The following UNC13C variants were observed in gnomAD, a reference collection of about 807,000 sequenced individuals.
UNC13C encodes the protein protein unc-13 homolog C.
Under a neutral mutation model 245.4 loss-of-function variants are expected in UNC13C, and 174 were observed. That is an observed-to-expected ratio of 0.71 (90% CI 0.63 to 0.80). The LOEUF (loss-of-function observed/expected upper bound fraction) is 0.80, where lower values mean the gene tolerates loss of function less well. Among genes scored for constraint, UNC13C ranks in the 30% least tolerant of loss-of-function variants. The pLI, the probability that UNC13C is intolerant of heterozygous loss-of-function variation, is 0.00. For missense variants in UNC13C, 2,829 were observed against 2,602.9 expected, an observed-to-expected ratio of 1.09 and a Z score of -1.89; for synonymous variants, 992 against 895.1, an observed-to-expected ratio of 1.11 and a Z score of -1.93.
At chr15:54,307,728 C>T (rs1596189208) in intron 13 of UNC13C, among the ~76,000 whole-genome samples, 1 of 151,866 alleles carries the variant, frequency 6.6e-6, no homozygotes, top group African/African-American at 2.4e-5. Flanking sequence ...AAAATCTGTG[C>T]CTTTTATTTA....
intron 30 of UNC13C, among the ~76,000 whole-genome samples, chr15:54,597,435 G>C (rs1051139490): frequency 6.6e-6 from 1 of 152,158 alleles, no homozygotes; most frequent in Non-Finnish European, 1.5e-5. Flanking sequence ...CAAAGTTTCT[G>C]TGCATGTAAG....
chr15:54,557,952 G>A (rs62022755), intron 29 of UNC13C, among the ~76,000 whole-genome samples: 9,258 of 151,934 alleles, frequency 0.061, 393 homozygotes, highest in Admixed American at 0.13. Flanking sequence ...GTCCTTTGTA[G>A]GGACATGGAT....
At chr15:54,100,219 C>G (rs1900094834) in intron 2 of UNC13C, among the ~76,000 whole-genome samples, 1 of 151,600 alleles carries the variant, frequency 6.6e-6, no homozygotes, top group African/African-American at 2.4e-5. Context: ...GTCTCTACTT[C>G]TTCACTTCTT....
At chr15:54,416,405 G>T (rs771040682) in intron 19 of UNC13C, among the ~76,000 whole-genome samples, 54 of 151,980 alleles carry the variant, frequency 3.6e-4, no homozygotes, top group Non-Finnish European at 5.7e-4. Context: ...ATAAAGTCAG[G>T]CTCTCCCACT....
chr15:53,878,103 A>C, the UNC13C span, among the ~76,000 whole-genome samples: 1 of 152,194 alleles, frequency 6.6e-6, no homozygotes, highest in Non-Finnish European at 1.5e-5. Flanking sequence ...TTTTTAAAAA[A>C]ATGGTTTGTC....
At chr15:54,131,688 T>C (rs1263100407) in intron 2 of UNC13C, among the ~76,000 whole-genome samples, 1 of 152,212 alleles carries the variant, frequency 6.6e-6, no homozygotes. Flanking sequence ...TCCTTGGTTC[T>C]AGTCATGCAC....
intron 4 of UNC13C, among the ~76,000 whole-genome samples, chr15:54,160,800 G>T (rs932302823): frequency 6.6e-6 from 1 of 151,990 alleles, no homozygotes; most frequent in Non-Finnish European, 1.5e-5. Context: ...TTACATGTTG[G>T]TCATTAGTAA....
At chr15:54,036,949 G>A (rs546332876) in intron 2 of UNC13C, among the ~76,000 whole-genome samples, 14 of 152,344 alleles carry the variant, frequency 9.2e-5, no homozygotes, top group African/African-American at 3.1e-4. Flanking sequence ...CTTAAGTCAC[G>A]AGAAGCAGGC....
chr15:54,394,075 C>T (rs533582640), intron 18 of UNC13C, among the ~76,000 whole-genome samples: 19 of 151,998 alleles, frequency 1.3e-4, no homozygotes, highest in Middle Eastern at 3.4e-3. Flanking sequence ...CTCAGACTTA[C>T]TATGGATAAA....
At chr15:54,475,823 A>G (rs1472731265) in intron 19 of UNC13C, among the ~76,000 whole-genome samples, 5 of 111,366 alleles carry the variant, frequency 4.5e-5, no homozygotes, top group African/African-American at 1.7e-4. Flanking sequence ...GTATATACCC[A>G]GTAATGGGAT....
chr15:54,446,242 A>G (rs1214716440), intron 19 of UNC13C, among the ~76,000 whole-genome samples: 2 of 152,050 alleles, frequency 1.3e-5, no homozygotes. Context: ...CTCCAGCTTT[A>G]TTCTTTTTAC....
intron 4 of UNC13C, among the ~76,000 whole-genome samples, chr15:54,210,919 C>T (rs1032705543): frequency 1.3e-5 from 2 of 152,040 alleles, no homozygotes; most frequent in East Asian, 3.9e-4. Context: ...CACGGGGAGA[C>T]ATTATATTTA....
At chr15:54,330,858 T>C (rs1511787) in intron 14 of UNC13C, among the ~76,000 whole-genome samples, 39,748 of 151,934 alleles carry the variant, frequency 0.26, 5,894 homozygotes, top group Admixed American at 0.35. Context: ...CCTAAGAAGA[T>C]TGCATGCTTC....
At chr15:54,412,093 C>T (rs374524114) in intron 18 of UNC13C, among the ~76,000 whole-genome samples, 1 of 151,956 alleles carries the variant, frequency 6.6e-6, no homozygotes, top group Non-Finnish European at 1.5e-5. Context: ...GTAGTCCCAG[C>T]TACTCGGGAG....
In UNC13C at chr15:54,048,364, GCAA is replaced by G. The variant is rs1192971171; in HGVS notation, c.2983+32483_2983+32485del. Among the ~76,000 whole-genome samples the G allele has an allele frequency of 1.0e-3, 157 of 152,236 alleles. 1 individual carries two copies. The highest frequency in any genetic ancestry group is 3.6e-3 in the African/African-American group (148 of 41,556). ...CCAAAAACTTTTCTTTTGACAGTAA[GCAA>G]CAACCGTATCAACATGTGTTTTGTA... On this transcript the variant is annotated intron_variant, in intron 2 of 32. Coordinates refer to ENST00000260323, the MANE Select transcript of UNC13C (RefSeq NM_001080534.3).
At chr15:54,595,229 G>A (rs1249397887) in intron 30 of UNC13C, among the ~76,000 whole-genome samples, 1 of 152,062 alleles carries the variant, frequency 6.6e-6, no homozygotes, top group Non-Finnish European at 1.5e-5. Context: ...TGAGCAACCT[G>A]TGGAATGCCG....
At chr15:54,371,754 A>G (rs1414211853) in intron 17 of UNC13C, among the ~76,000 whole-genome samples, 1 of 152,016 alleles carries the variant, frequency 6.6e-6, no homozygotes, top group African/African-American at 2.4e-5. Context: ...GTGGAATACT[A>G]TTGAGCCTTA....
intron 7 of UNC13C, among the ~76,000 whole-genome samples, chr15:54,244,605 A>G (rs1221744776): frequency 1.3e-5 from 2 of 152,328 alleles, no homozygotes; most frequent in East Asian, 3.9e-4. Flanking sequence ...ATCCATGAAC[A>G]TGGAATGTTT....
chr15:53,904,431 T>C, the UNC13C span, among the ~76,000 whole-genome samples: 1 of 152,178 alleles, frequency 6.6e-6, no homozygotes, highest in East Asian at 1.9e-4. Flanking sequence ...CTATATGCAC[T>C]GCGCCCTTGC....
Sources: allele counts gnomAD v4.1 joint callset (sites outside exome capture counted in the v4.1 genomes callset), GRCh38; gene constraint gnomAD v4.1.1; transcripts MANE v1.5; gene names NCBI Gene and HGNC (gene_info 2026-07-23, HGNC 2026-07-21).